ADAMTS13: variants seen among roughly 807,000 people sequenced by gnomAD.
The protein encoded by ADAMTS13 is ADAM metallopeptidase with thrombospondin type 1 motif 13.
In ADAMTS13, 110 loss-of-function variants were observed where a neutral mutation model predicts 155.1. The observed-to-expected ratio is 0.71, with a 90% CI of 0.61 to 0.83. The LOEUF is 0.83. ADAMTS13 is among the 40% of genes least tolerant of loss of function. The probability of loss-of-function intolerance (pLI) is 0.00; values close to 1 mark genes in which losing one functional copy is unlikely to be tolerated. For missense variants in ADAMTS13, 1,707 were observed against 1,891.7 expected, an observed-to-expected ratio of 0.90 and a Z score of 1.81; for synonymous variants, 758 against 756.4, an observed-to-expected ratio of 1.00 and a Z score of -0.03.
chr9:133,425,326 C>T lies in ADAMTS13; in HGVS notation c.331-203C>T, dbSNP rs1237283124. Among the ~76,000 whole-genome samples the T allele has an allele frequency of 6.6e-6, 1 of 152,178 alleles. No homozygotes were observed. The highest frequency in any genetic ancestry group is 6.5e-5 in the Admixed American group (1 of 15,278). Reference sequence around the variant, plus strand: ...GTTTTCCTTGCGTTAGTTGGCCTTCCTGAGCCATGAGCTGAGGAGCAACAG... The same window carrying T: ...GTTTTCCTTGCGTTAGTTGGCCTTCTTGAGCCATGAGCTGAGGAGCAACAG... On this transcript the variant is annotated intron_variant, in intron 3 of 28. Transcript: ENST00000355699. The surrounding 1 kb of genome is among the most constrained non-coding windows in gnomAD (Gnocchi z 4.6).
rs898699774 is a variant in ADAMTS13, at chr9:133,455,934, A to C, written c.3401-135A>C. The C allele has an allele frequency of 2.7e-5, 32 of 1,193,712 alleles. No individual in the cohort carries two copies. The Admixed American group carries it at 5.3e-4, about 20-fold the overall frequency. The allele number at this position is 1,193,712 out of a possible 1,614,324, so 73.9% of individuals were successfully genotyped here. A position where few individuals can be genotyped will look rare whatever the true frequency, so the allele number is the denominator to read the frequency against. On this transcript the variant is annotated intron_variant, in intron 25 of 28. Transcript: ENST00000355699. ...ATGCAGCCCCCCTCCCTGTCCTGAGAAGGCTTCCAGCTGGGCCTTGGAGGA... is the reference window on the plus strand; with the variant it reads ...ATGCAGCCCCCCTCCCTGTCCTGAGCAGGCTTCCAGCTGGGCCTTGGAGGA...
At chr9:133,417,038 T>C (rs1839667931), upstream of ADAMTS13, among the ~76,000 whole-genome samples, 2 of 152,156 alleles carry the variant, frequency 1.3e-5, no homozygotes, top group Admixed American at 6.5e-5. Flanking sequence ...TGAGATGGAG[T>C]CTCGCTCTGT....
chr9:133,417,786 G>A (rs781941941), upstream of ADAMTS13: 25 of 1,610,070 alleles, frequency 1.6e-5, no homozygotes, highest in Non-Finnish European at 2.1e-5. Flanking sequence ...GACAGGACCC[G>A]GCTTAGCCAC....
At chr9:133,432,753 C>T (rs1175205267) in intron 9 of ADAMTS13, 61 bp downstream of exon 9, 10 of 1,487,362 alleles carry the variant, frequency 6.7e-6, no homozygotes, top group Non-Finnish European at 9.1e-6. Flanking sequence ...TGCCTCCAGC[C>T]AGGCCGCCCT....
chr9:133,429,870 T>A (rs1554786599), intron 7 of ADAMTS13, 69 bp from the exon 8 acceptor site: 2 of 1,527,950 alleles, frequency 1.3e-6, no homozygotes, highest in Non-Finnish European at 1.8e-6. Flanking sequence ...TCGTGCCCAC[T>A]CCTCCGTCCC....
At chr9:133,437,614 T>G in intron 12 of ADAMTS13, 135 bp from the exon 13 acceptor site, 1 of 983,802 alleles carries the variant, frequency 1.0e-6, no homozygotes, top group South Asian at 1.4e-5. Flanking sequence ...GTGATTAGGA[T>G]TATTGCCTTA....
intron 24 of ADAMTS13, among the ~76,000 whole-genome samples, chr9:133,455,059 G>A (rs781998229): frequency 4.6e-5 from 7 of 152,148 alleles, no homozygotes; most frequent in South Asian, 2.1e-4. Flanking sequence ...CAGAGAGGCC[G>A]TGAGGGTGAC....
At chr9:133,435,746 A>C (rs1841152687) in intron 11 of ADAMTS13, among the ~76,000 whole-genome samples, 1 of 150,734 alleles carries the variant, frequency 6.6e-6, no homozygotes. Context: ...GTTAGCCGGG[A>C]TGGTCTTGAT....
At chr9:133,416,181 C>T (rs782732405) in intron 1 of ADAMTS13, among the ~76,000 whole-genome samples, 3 of 152,040 alleles carry the variant, frequency 2.0e-5, no homozygotes, top group East Asian at 3.9e-4. Context: ...AGGTGTGTTG[C>T]GTGGTGAGAG....
At chr9:133,454,707 T>G in intron 24 of ADAMTS13, 88 bp downstream of exon 24, 2 of 1,433,202 alleles carry the variant, frequency 1.4e-6, no homozygotes, top group Non-Finnish European at 1.9e-6. Flanking sequence ...TAGGAGGCAT[T>G]GGCTCATCGT....
chr9:133,458,826 T>C (rs1554796979), intron 28 of ADAMTS13, 148 bp from the exon 29 acceptor site: 1 of 780,838 alleles, frequency 1.3e-6, no homozygotes, highest in East Asian at 2.7e-5. Flanking sequence ...GGACCTCGGT[T>C]TTCTGGGTAG....
At chr9:133,433,969 G>A (rs1043205022) in intron 11 of ADAMTS13, among the ~76,000 whole-genome samples, 11 of 151,978 alleles carry the variant, frequency 7.2e-5, no homozygotes, top group Admixed American at 2.0e-4. Context: ...GGTGGTGGGC[G>A]CCTGTAGTCC....
chr9:133,456,054 C>G lies in ADAMTS13; in HGVS notation c.3401-15C>G, dbSNP rs1554795794. 4.3e-6 allele frequency: 7 copies of G among 1,613,198 alleles called. No homozygotes were observed. Among genetic ancestry groups the G allele is most frequent in the Non-Finnish European group, 5.9e-6 (7 of 1,180,030 alleles). Reference sequence around the variant, plus strand: ...CGGGGAAGCACTGCTTACCTGTCTCCTGCTCCCTTTTCAGGTGCCTGTGGC... The same window carrying G: ...CGGGGAAGCACTGCTTACCTGTCTCGTGCTCCCTTTTCAGGTGCCTGTGGC... On this transcript the variant is annotated splice_polypyrimidine_tract_variant and intron_variant, in intron 25 of 28. Coordinates refer to ENST00000355699, the MANE Select transcript of ADAMTS13 (RefSeq NM_139027.6). This position sits in a 1 kb window ranked among gnomAD's most constrained non-coding sequence, Gnocchi z 4.4.
chr9:133,441,915 C>T lies in ADAMTS13; in HGVS notation c.1969-484C>T, dbSNP rs1310281743. ...GCCTGCCTCCTCCACTGCACTTTAT[C>T]CTCTACCCAGCCAGCTTAGGGAACC... On this transcript the variant is annotated intron_variant, in intron 16 of 28. Transcript: ENST00000355699. This position sits in a 1 kb window ranked among gnomAD's most constrained non-coding sequence, Gnocchi z 5.0. Among the ~76,000 whole-genome samples the T allele has an allele frequency of 2.0e-5, 3 of 152,166 alleles. No individual in the cohort carries two copies. Among genetic ancestry groups the T allele is most frequent in the Non-Finnish European group, 4.4e-5 (3 of 68,036 alleles).
intron 22 of ADAMTS13, among the ~76,000 whole-genome samples, chr9:133,449,188 T>A (rs1255038325): frequency 6.6e-6 from 1 of 152,094 alleles, no homozygotes; most frequent in African/African-American, 2.4e-5. Context: ...TTGCACAGGA[T>A]CTGGGATGCT....
chr9:133,422,274 C>A, upstream of ADAMTS13: 1 of 660,394 alleles, frequency 1.5e-6, no homozygotes, highest in South Asian at 1.8e-5. Flanking sequence ...AGCTGCAGGC[C>A]GCCCACCCTA....
At chr9:133,447,539 T>C (rs1052272133) in intron 21 of ADAMTS13, among the ~76,000 whole-genome samples, 2 of 152,212 alleles carry the variant, frequency 1.3e-5, no homozygotes, top group African/African-American at 4.8e-5. Context: ...AGTGCTGGGA[T>C]TATAGGCATG....
upstream of ADAMTS13, chr9:133,417,790 T>A (rs782052975): frequency 1.4e-5 from 23 of 1,609,780 alleles, 1 homozygote; most frequent in South Asian, 2.1e-4. Context: ...GGACCCGGCT[T>A]AGCCACGGGG....
At chr9:133,455,121 G>C (rs907034353) in intron 24 of ADAMTS13, among the ~76,000 whole-genome samples, 164 bp from the exon 25 acceptor site, 1 of 152,128 alleles carries the variant, frequency 6.6e-6, no homozygotes, top group Admixed American at 6.5e-5. Flanking sequence ...CCCATGCAAG[G>C]TGCCCTCTCT....
Sources: gnomAD v4.1 joint callset for allele counts (sites outside exome capture counted in the v4.1 genomes callset) on GRCh38, gnomAD v4.1.1 for gene constraint, Gnocchi (gnomAD v3.1) non-coding constraint, MANE v1.5 for transcripts, NCBI Gene and HGNC (gene_info 2026-07-23, HGNC 2026-07-21) for gene names.